Variants in SCAPER observed in about 807,000 individuals in gnomAD.
SCAPER encodes the protein S phase cyclin A-associated protein in the endoplasmic reticulum.
SCAPER carries 98 observed loss-of-function variants against 182.2 expected under a neutral mutation model. That is an observed-to-expected ratio of 0.54 (90% CI 0.46 to 0.64). The LOEUF (loss-of-function observed/expected upper bound fraction) is 0.64. Among genes scored for constraint, SCAPER ranks in the 30% least tolerant of loss-of-function variants. The pLI, the probability that SCAPER is intolerant of heterozygous loss-of-function variation, is 0.00. For synonymous variants in SCAPER, 605 were observed against 564.6 expected (o/e 1.07, Z -1.01); for missense variants, 1,432 against 1,690.0 (o/e 0.85, Z 2.68).
intron 15 of SCAPER, among the ~76,000 whole-genome samples, chr15:76,747,958 C>T (rs149068447): frequency 7.8e-4 from 118 of 151,364 alleles, no homozygotes; most frequent in Non-Finnish European, 1.2e-3. Context: ...CTTCAACAAA[C>T]GGTGCTGGGA....
At chr15:76,393,497 G>C (rs2043847421) in intron 27 of SCAPER, among the ~76,000 whole-genome samples, 1 of 152,206 alleles carries the variant, frequency 6.6e-6, no homozygotes, top group East Asian at 1.9e-4. Context: ...ACTGCAGAGA[G>C]AATAGAAGGC....
chr15:76,862,531 A>G lies in SCAPER; in HGVS notation c.9T>C (p.Ala3=). ...CATGACTATTGGAGCGCTGGAATGA[A>G]GCCTATGTATGGAAAAGATGGTACT... MM[A]SFQRSNSHDK... is the part of the protein sequence containing the mutation. Residue 3 remains alanine, a splice_region_variant and synonymous_variant, in exon 3 of 32, where the codon GCT becomes GCC. Coordinates refer to ENST00000563290, the MANE Select transcript of SCAPER (RefSeq NM_020843.4). The G allele has an allele frequency of 1.3e-6, 2 of 1,594,008 alleles. No individual in the cohort carries two copies. Among genetic ancestry groups the G allele is most frequent in the Non-Finnish European group, 1.7e-6 (2 of 1,163,098 alleles).
chr15:76,669,732 G>A (rs373402390), intron 20 of SCAPER, among the ~76,000 whole-genome samples: 1 of 152,182 alleles, frequency 6.6e-6, no homozygotes, highest in African/African-American at 2.4e-5. Context: ...ACGACTGGCT[G>A]ACTTTACAAG....
At chr15:76,468,147 C>T (rs2049837618) in intron 25 of SCAPER, among the ~76,000 whole-genome samples, 1 of 152,050 alleles carries the variant, frequency 6.6e-6, no homozygotes, top group Admixed American at 6.6e-5. Flanking sequence ...TGAAAATACA[C>T]TCAAGTGATT....
intron 21 of SCAPER, among the ~76,000 whole-genome samples, chr15:76,634,349 T>C (rs2053413350): frequency 6.6e-6 from 1 of 152,090 alleles, no homozygotes; most frequent in Non-Finnish European, 1.5e-5. Flanking sequence ...GGTACTTCAA[T>C]TGAAGATGCA....
intron 27 of SCAPER, 66 bp from the exon 28 acceptor site, chr15:76,381,681 T>A: frequency 8.0e-7 from 1 of 1,249,942 alleles, no homozygotes; most frequent in Non-Finnish European, 1.1e-6. Context: ...TTGTATAGGT[T>A]AAATGAAACA....
At chr15:76,572,889 ACTCTCT>A (rs111882465) in intron 23 of SCAPER, among the ~76,000 whole-genome samples, 15 of 142,822 alleles carry the variant, frequency 1.1e-4, no homozygotes, top group East Asian at 8.3e-4. Flanking sequence ...GCTTGCGTGC[ACTCTCT>A]CTCTCTCTCT....
At chr15:76,798,168 T>C (rs2065468249) in intron 7 of SCAPER, among the ~76,000 whole-genome samples, 1 of 152,078 alleles carries the variant, frequency 6.6e-6, no homozygotes, top group South Asian at 2.1e-4. Flanking sequence ...GAGACCAGCC[T>C]AGCCAACATG....
chr15:76,889,817 G>A (rs763579472), intron 1 of SCAPER, among the ~76,000 whole-genome samples: 34 of 151,984 alleles, frequency 2.2e-4, no homozygotes, highest in African/African-American at 4.1e-4. Flanking sequence ...TGCACCAAGC[G>A]GACCTAATAG....
intron 26 of SCAPER, 51 bp downstream of exon 26, chr15:76,434,027 A>C: frequency 6.9e-7 from 1 of 1,450,388 alleles, no homozygotes; most frequent in Non-Finnish European, 9.4e-7. Flanking sequence ...AAATTATTTT[A>C]ATATAGTTTC....
chr15:76,639,898 T>C (rs189852480), intron 21 of SCAPER, among the ~76,000 whole-genome samples: 86 of 152,322 alleles, frequency 5.6e-4, no homozygotes, highest in African/African-American at 1.9e-3. Context: ...GTTACTTGTA[T>C]ACTTGTATTG....
chr15:76,711,638 G>A (rs1032462987), intron 17 of SCAPER, among the ~76,000 whole-genome samples: 1 of 152,200 alleles, frequency 6.6e-6, no homozygotes, highest in African/African-American at 2.4e-5. Flanking sequence ...TCTAACTGGT[G>A]TGAGATGGTA....
At chr15:76,539,212 G>C (rs2044492511) in intron 23 of SCAPER, among the ~76,000 whole-genome samples, 1 of 152,112 alleles carries the variant, frequency 6.6e-6, no homozygotes, top group Non-Finnish European at 1.5e-5. Flanking sequence ...AGTTCTAGAG[G>C]ATTGATAACT....
chr15:76,620,617 A>G (rs2051941693), intron 22 of SCAPER, among the ~76,000 whole-genome samples: 1 of 152,236 alleles, frequency 6.6e-6, no homozygotes, highest in African/African-American at 2.4e-5. Flanking sequence ...TAATGGCTAC[A>G]TTAACATTCT....
intron 27 of SCAPER, among the ~76,000 whole-genome samples, chr15:76,388,099 G>A (rs1051830443): frequency 1.3e-5 from 2 of 152,144 alleles, no homozygotes; most frequent in South Asian, 4.1e-4. Context: ...AGCACACAGA[G>A]GTATCAAAGT....
At chr15:76,855,742 T>A (rs115713617) in intron 4 of SCAPER, 3 of 271,694 alleles carry the variant, frequency 1.1e-5, no homozygotes, top group African/African-American at 6.5e-5. Context: ...CCAGTCGGAA[T>A]GGCTATTACT....
At chr15:76,468,058 T>A (rs2049831275) in intron 25 of SCAPER, among the ~76,000 whole-genome samples, 1 of 152,150 alleles carries the variant, frequency 6.6e-6, no homozygotes, top group African/African-American at 2.4e-5. Context: ...TATTTTTTAA[T>A]CCCTTATTTA....
At chr15:76,415,708 C>T (rs1253520408) in intron 26 of SCAPER, among the ~76,000 whole-genome samples, 1 of 151,954 alleles carries the variant, frequency 6.6e-6, no homozygotes, top group East Asian at 1.9e-4. Context: ...CACACATACA[C>T]ACATATAAAA....
In SCAPER at chr15:76,462,270, T is replaced by C. The variant is rs190804747; in HGVS notation, c.3078+8942A>G. On this transcript the variant is annotated intron_variant, in intron 25 of 31. Coordinates refer to ENST00000563290, the MANE Select transcript of SCAPER (RefSeq NM_020843.4). ...TATTCCCATCAGGATCTGCTTTTCA[T>C]TGGTCCTTAGTACTTTTCAGGTATT... 2.4e-3 allele frequency among the ~76,000 whole-genome samples: 368 copies of C among 152,306 alleles called. 3 individuals are homozygous for C. The highest frequency in any genetic ancestry group is 1.6e-3 in the Non-Finnish European group (112 of 68,026).
Sources: allele counts gnomAD v4.1 joint callset (sites outside exome capture counted in the v4.1 genomes callset), GRCh38; gene constraint gnomAD v4.1.1; transcripts MANE v1.5; gene names NCBI Gene and HGNC (gene_info 2026-07-23, HGNC 2026-07-21).